ZNF385B: variants seen among roughly 807,000 people sequenced by gnomAD.
ZNF385B encodes zinc finger protein 533.
ZNF385B carries 23 observed loss-of-function variants against 39.2 expected under a neutral mutation model. The observed-to-expected ratio is 0.59, with a 90% CI of 0.42 to 0.83. ZNF385B has a LOEUF of 0.83. Ranked by LOEUF, ZNF385B falls within the 40% of genes least tolerant of loss-of-function variation. ZNF385B has a pLI of 0.00. For synonymous variants in ZNF385B, 205 were observed against 222.6 expected, an observed-to-expected ratio of 0.92 and a Z score of 0.70; for missense variants, 552 against 598.9, an observed-to-expected ratio of 0.92 and a Z score of 0.82.
intron 4 of ZNF385B, among the ~76,000 whole-genome samples, chr2:179,521,171 TTTTTG>T (rs1224946146): frequency 5.2e-4 from 3 of 5,810 alleles, no homozygotes; most frequent in East Asian, 0.03. Context: ...AATACAGTTT[TTTTTG>T]TTTTTGTTTT....
chr2:179,827,586 T>TA (rs758494705), intron 1 of ZNF385B, among the ~76,000 whole-genome samples: 1 of 152,184 alleles, frequency 6.6e-6, no homozygotes, highest in Non-Finnish European at 1.5e-5. Flanking sequence ...TAATGTTAAA[T>TA]AATCTTTAAA....
intron 1 of ZNF385B, among the ~76,000 whole-genome samples, chr2:179,830,498 A>C (rs995155731): frequency 6.6e-6 from 1 of 152,246 alleles, no homozygotes; most frequent in African/African-American, 2.4e-5. Context: ...AAAGGTGAAC[A>C]GATAACATGT....
chr2:179,663,934 A>G (rs1694824359), intron 3 of ZNF385B, among the ~76,000 whole-genome samples: 1 of 152,144 alleles, frequency 6.6e-6, no homozygotes, highest in Admixed American at 6.5e-5. Flanking sequence ...GGTCCTACCC[A>G]GCTTCCTCCT....
chr2:179,772,849 G>A (rs1245478570), intron 1 of ZNF385B, among the ~76,000 whole-genome samples: 2 of 152,212 alleles, frequency 1.3e-5, no homozygotes, highest in Admixed American at 6.5e-5. Flanking sequence ...TGGACTGCCA[G>A]GAATGAGTGT....
chr2:179,656,244 G>C (rs1693747862), intron 3 of ZNF385B, among the ~76,000 whole-genome samples: 1 of 152,028 alleles, frequency 6.6e-6, no homozygotes, highest in Non-Finnish European at 1.5e-5. Flanking sequence ...TTATTATACA[G>C]TAGGCAATTT....
At chr2:179,493,925 T>C (rs1461212592) in intron 5 of ZNF385B, among the ~76,000 whole-genome samples, 1 of 150,916 alleles carries the variant, frequency 6.6e-6, no homozygotes, top group East Asian at 1.9e-4. Context: ...TTCTAGGCAT[T>C]ATTCTAAGTG....
intron 3 of ZNF385B, among the ~76,000 whole-genome samples, chr2:179,562,235 G>C (rs2061381786): frequency 6.6e-6 from 1 of 152,166 alleles, no homozygotes; most frequent in Non-Finnish European, 1.5e-5. Flanking sequence ...GGAAAGTCAA[G>C]ATACCATTAG....
intron 3 of ZNF385B, among the ~76,000 whole-genome samples, chr2:179,548,641 T>C (rs2060380452): frequency 6.7e-6 from 1 of 149,356 alleles, no homozygotes; most frequent in Non-Finnish European, 1.5e-5. Flanking sequence ...CTCACAACCA[T>C]AGTGGAAGGC....
intron 1 of ZNF385B, among the ~76,000 whole-genome samples, chr2:179,810,745 C>T (rs1706681785): frequency 6.6e-6 from 1 of 152,074 alleles, no homozygotes; most frequent in Admixed American, 6.6e-5. Flanking sequence ...GTTGTTTTCT[C>T]TTCCAAGATG....
chr2:179,507,635 T>C (rs566640412), intron 5 of ZNF385B, among the ~76,000 whole-genome samples: 1 of 152,320 alleles, frequency 6.6e-6, no homozygotes, highest in East Asian at 1.9e-4. Flanking sequence ...TTTCCCTAGC[T>C]AGATAACCAG....
intron 6 of ZNF385B, among the ~76,000 whole-genome samples, chr2:179,474,062 T>C (rs934733386): frequency 9.9e-5 from 15 of 152,020 alleles, no homozygotes; most frequent in African/African-American, 3.6e-4. Context: ...TCGGGAATCA[T>C]ACCTTCATTA....
At chr2:179,745,201 T>C (rs895869631) in intron 3 of ZNF385B, among the ~76,000 whole-genome samples, 4 of 152,150 alleles carry the variant, frequency 2.6e-5, no homozygotes, top group African/African-American at 9.7e-5. Flanking sequence ...CTTTTAATTA[T>C]TAATAATGTC....
chr2:179,745,288 T>G (rs1185408182), intron 3 of ZNF385B, among the ~76,000 whole-genome samples: 1 of 152,168 alleles, frequency 6.6e-6, no homozygotes, highest in African/African-American at 2.4e-5. Context: ...ATGACTTGTC[T>G]CCTCCTATCT....
At chr2:179,534,306 G>T (rs1457134584) in intron 4 of ZNF385B, among the ~76,000 whole-genome samples, 1 of 152,122 alleles carries the variant, frequency 6.6e-6, no homozygotes, top group Non-Finnish European at 1.5e-5. Flanking sequence ...TTAGGAAAAA[G>T]AGATAAAAGG....
chr2:179,714,775 A>ATC (rs1413515603), intron 3 of ZNF385B, among the ~76,000 whole-genome samples: 2 of 151,576 alleles, frequency 1.3e-5, no homozygotes, highest in African/African-American at 4.8e-5. Context: ...GTGAAAACCT[A>ATC]TCTCTACTAA....
At chr2:179,623,432 G>A (rs932428395) in intron 3 of ZNF385B, among the ~76,000 whole-genome samples, 1 of 152,124 alleles carries the variant, frequency 6.6e-6, no homozygotes, top group South Asian at 2.1e-4. Context: ...TAAGATGTGA[G>A]TACATGACTT....
chr2:179,705,122 C>T (rs1374033330), intron 3 of ZNF385B, among the ~76,000 whole-genome samples: 1 of 152,074 alleles, frequency 6.6e-6, no homozygotes, highest in African/African-American at 2.4e-5. Flanking sequence ...AAACTCCCTA[C>T]TATCCTCCAT....
chr2:179,828,144 G>A (rs1489425746), intron 1 of ZNF385B, among the ~76,000 whole-genome samples: 1 of 152,086 alleles, frequency 6.6e-6, no homozygotes. Flanking sequence ...AGTTGAGGGT[G>A]TTATAAATGA....
In ZNF385B at chr2:179,770,617, C is replaced by G. The variant is rs1703959128; in HGVS notation, c.-99G>C. ...AGTGAAACAAACTGTTTTTCGGTTT[C>G]CAGGTTAGCCCATAAACATCAATTT... On this transcript the variant is annotated 5_prime_UTR_variant, in exon 2 of 10. Transcript: ENST00000410066. 6.6e-6 allele frequency: 1 copy of G among 152,110 alleles called. No homozygotes were observed. The highest frequency in any genetic ancestry group is 1.5e-5 in the Non-Finnish European group (1 of 68,014). 9.4% of individuals were successfully genotyped at this position (152,110 alleles called of 1,614,324 possible). A position where few individuals can be genotyped will look rare whatever the true frequency, so the allele number is the denominator to read the frequency against.
Sources: gnomAD v4.1 joint callset for allele counts (sites outside exome capture counted in the v4.1 genomes callset) on GRCh38, gnomAD v4.1.1 for gene constraint, MANE v1.5 for transcripts, NCBI Gene and HGNC (gene_info 2026-07-23, HGNC 2026-07-21) for gene names.